The following ADIPOR2 variants were observed in gnomAD, a reference collection of about 807,000 sequenced individuals.
ADIPOR2 encodes adiponectin receptor protein 2.
Under a neutral mutation model 40.9 loss-of-function variants are expected in ADIPOR2, and 18 were observed. The ratio of observed to expected loss-of-function variants is 0.44; its 90% CI spans 0.30 to 0.65. The LOEUF is 0.65. Ranked by LOEUF, ADIPOR2 falls within the 30% of genes least tolerant of loss-of-function variation. The pLI, the probability that ADIPOR2 is intolerant of heterozygous loss-of-function variation, is 0.09. For synonymous variants in ADIPOR2, 165 were observed against 166.4 expected, an observed-to-expected ratio of 0.99 and a Z score of 0.06; for missense variants, 283 against 479.2, an observed-to-expected ratio of 0.59 and a Z score of 3.82.
chr12:1,749,344 C>T (rs777459002), intron 1 of ADIPOR2, among the ~76,000 whole-genome samples: 37 of 152,186 alleles, frequency 2.4e-4, no homozygotes, highest in South Asian at 1.2e-3. Context: ...TTAAGACCCG[C>T]AATCAAAAAG....
intron 1 of ADIPOR2, among the ~76,000 whole-genome samples, chr12:1,729,073 A>G (rs539050757): frequency 6.7e-6 from 1 of 150,008 alleles, no homozygotes; most frequent in Admixed American, 6.7e-5. Context: ...CCCTCTACCC[A>G]TAATCTCCCT....
chr12:1,711,046 A>G (rs1226499201), intron 1 of ADIPOR2, among the ~76,000 whole-genome samples: 1 of 152,110 alleles, frequency 6.6e-6, no homozygotes, highest in Non-Finnish European at 1.5e-5. Flanking sequence ...TTTTCCTGTA[A>G]ACGCCAGGTG....
chr12:1,762,984 C>G (rs1267270897), intron 2 of ADIPOR2, among the ~76,000 whole-genome samples: 2 of 152,092 alleles, frequency 1.3e-5, no homozygotes, highest in Non-Finnish European at 2.9e-5. Flanking sequence ...AAAAGAGACC[C>G]TGTGATAGGT....
chr12:1,739,273 AG>A (rs368399272), intron 1 of ADIPOR2, among the ~76,000 whole-genome samples: 14 of 152,338 alleles, frequency 9.2e-5, no homozygotes, highest in African/African-American at 3.4e-4. Context: ...CAATGGGTCA[AG>A]GTCATTATAG....
At chr12:1,705,542 T>G (rs1423049490) in intron 1 of ADIPOR2, among the ~76,000 whole-genome samples, 1 of 152,226 alleles carries the variant, frequency 6.6e-6, no homozygotes, top group African/African-American at 2.4e-5. Flanking sequence ...CTTCAGGCTA[T>G]GAAACAAATA....
intron 2 of ADIPOR2, among the ~76,000 whole-genome samples, chr12:1,771,092 G>A (rs899105363): frequency 6.6e-6 from 1 of 152,188 alleles, no homozygotes. Context: ...GGAAGCTGAG[G>A]CAGGAGGATT....
At chr12:1,762,254 TC>T in intron 2 of ADIPOR2, among the ~76,000 whole-genome samples, 1 of 152,346 alleles carries the variant, frequency 6.6e-6, no homozygotes, top group East Asian at 1.9e-4. Flanking sequence ...CCTTTTATTT[TC>T]CATTACAATG....
At chr12:1,784,127 A>G in intron 7 of ADIPOR2, 54 bp downstream of exon 7, 1 of 1,454,692 alleles carries the variant, frequency 6.9e-7, no homozygotes, top group South Asian at 1.5e-5. Context: ...AGTTATTGGC[A>G]TCCTGCAGAG....
At chr12:1,718,514 CTT>C (rs2094691905) in intron 1 of ADIPOR2, among the ~76,000 whole-genome samples, 1 of 151,836 alleles carries the variant, frequency 6.6e-6, no homozygotes, top group Non-Finnish European at 1.5e-5. Context: ...TATTTTGTCT[CTT>C]TTTAGAAAGT....
At chr12:1,750,159 C>T (rs942123735) in intron 1 of ADIPOR2, among the ~76,000 whole-genome samples, 15 of 151,936 alleles carry the variant, frequency 9.9e-5, no homozygotes, top group African/African-American at 3.4e-4. Flanking sequence ...AGGGCCTATA[C>T]GTATTTTGCT....
intron 7 of ADIPOR2, 44 bp from the exon 8 acceptor site, chr12:1,785,900 T>C: frequency 6.2e-7 from 1 of 1,607,572 alleles, no homozygotes; most frequent in Non-Finnish European, 8.5e-7. Flanking sequence ...GTCTTAATAA[T>C]GTATGGGTTT....
intron 2 of ADIPOR2, among the ~76,000 whole-genome samples, chr12:1,767,240 C>T (rs9740036): frequency 0.068 from 9,627 of 140,968 alleles, 827 homozygotes; most frequent in African/African-American, 0.2. Flanking sequence ...CATCACACTC[C>T]AGCCTGGAGG....
At position 1,784,061 on chromosome 12, in the gene ADIPOR2, A is replaced by G. The variant is rs1274627971; in HGVS notation, c.1020A>G (p.Lys340=). 1 of 1,593,968 alleles carries G rather than the reference A, an allele frequency of 6.3e-7. No homozygotes were observed. Among genetic ancestry groups the G allele is most frequent in the South Asian group, 1.1e-5 (1 of 88,544 alleles). ...TCCCCGAACGCTTTTTCCCTGGCAA[A>G]TGTGACATCTGGGTAAGTATGTCGG... The part of the protein sequence containing the change: ...ARIPERFFPG[K]CDIWFHSHQL... Residue 340 remains lysine (K), a synonymous_variant, in exon 7 of 8, where the codon AAA becomes AAG. Transcript: ENST00000357103.
intron 1 of ADIPOR2, among the ~76,000 whole-genome samples, chr12:1,733,237 TTATG>T (rs1454304557): frequency 6.6e-6 from 1 of 152,228 alleles, no homozygotes; most frequent in African/African-American, 2.4e-5. Flanking sequence ...CTTCAGAACT[TTATG>T]TAATAGTTTA....
chr12:1,722,897 A>G (rs1318019991), intron 1 of ADIPOR2, among the ~76,000 whole-genome samples: 1 of 152,244 alleles, frequency 6.6e-6, no homozygotes, highest in Non-Finnish European at 1.5e-5. Context: ...GTAGATGCAG[A>G]GTATTTTTCA....
intron 1 of ADIPOR2, among the ~76,000 whole-genome samples, chr12:1,746,102 A>G (rs909798082): frequency 3.9e-5 from 6 of 152,246 alleles, no homozygotes; most frequent in African/African-American, 1.4e-4. Flanking sequence ...TTTTAGGTCT[A>G]AGGACATGTA....
At chr12:1,705,814 T>G (rs1349467867) in intron 1 of ADIPOR2, among the ~76,000 whole-genome samples, 2 of 152,236 alleles carry the variant, frequency 1.3e-5, no homozygotes, top group African/African-American at 4.8e-5. Flanking sequence ...ATGCATTGTT[T>G]GTGGCTTTAT....
chr12:1,697,353 T>C (rs530811552), intron 1 of ADIPOR2: 1 of 152,562 alleles, frequency 6.6e-6, no homozygotes, highest in South Asian at 2.1e-4. Flanking sequence ...CTTGTCACTT[T>C]ATCCTCAGAT....
At chr12:1,703,190 C>CTA (rs1393762367) in intron 1 of ADIPOR2, among the ~76,000 whole-genome samples, 1 of 152,128 alleles carries the variant, frequency 6.6e-6, no homozygotes, top group African/African-American at 2.4e-5. Flanking sequence ...TAAGCTAGAG[C>CTA]TATACGTTGT....
Sources: gnomAD v4.1 joint callset for allele counts (sites outside exome capture counted in the v4.1 genomes callset) on GRCh38, gnomAD v4.1.1 for gene constraint, MANE v1.5 for transcripts, NCBI Gene and HGNC (gene_info 2026-07-23, HGNC 2026-07-21) for gene names.